SERPINI2: variants seen among roughly 807,000 people sequenced by gnomAD.
SERPINI2 encodes the protein serpin family I member 2.
Under a neutral mutation model 47.3 loss-of-function variants are expected in SERPINI2, and 48 were observed. The ratio of observed to expected loss-of-function variants is 1.02; its 90% confidence interval spans 0.81 to 1.29. The LOEUF is 1.29. Among genes scored for constraint, SERPINI2 ranks in the 50% most tolerant of loss-of-function variants. The pLI is 0.00. For synonymous variants in SERPINI2, 135 were observed against 149.3 expected (o/e 0.90, Z 0.70); for missense variants, 448 against 456.9 (o/e 0.98, Z 0.18).
At chr3:167,470,077 T>C (rs959073806) in intron 2 of SERPINI2, among the ~76,000 whole-genome samples, 1 of 152,180 alleles carries the variant, frequency 6.6e-6, no homozygotes, top group African/African-American at 2.4e-5. Context: ...CATGTATCCA[T>C]TTAAAGTAAT....
chr3:167,448,683 C>T (rs879511972), intron 7 of SERPINI2, among the ~76,000 whole-genome samples: 7 of 152,096 alleles, frequency 4.6e-5, no homozygotes, highest in African/African-American at 9.7e-5. Context: ...CCACCACGCC[C>T]GGCTAATTTT....
chr3:167,465,712 C>T, intron 3 of SERPINI2, 39 bp from the exon 4 acceptor site: 1 of 1,535,988 alleles, frequency 6.5e-7, no homozygotes, highest in Non-Finnish European at 8.8e-7. Flanking sequence ...AAGAAATGTG[C>T]AATAGTGATT....
At chr3:167,449,451 A>G (rs1241950451) in intron 6 of SERPINI2, 49 bp from the exon 7 acceptor site, 2 of 1,081,956 alleles carry the variant, frequency 1.8e-6, no homozygotes, top group East Asian at 2.4e-5. Flanking sequence ...TAAAATCAAA[A>G]GCCGTTACCT....
At chr3:167,471,810 G>A in exon 2 of SERPINI2, 1 of 1,611,094 alleles carries the variant, frequency 6.2e-7, no homozygotes, top group Non-Finnish European at 8.5e-7. Flanking sequence ...AGCAATAGAA[G>A]ACTCCACAAG....
chr3:167,462,515 C>A (rs901821833), intron 5 of SERPINI2, among the ~76,000 whole-genome samples: 5 of 152,148 alleles, frequency 3.3e-5, no homozygotes, highest in Admixed American at 1.3e-4. Flanking sequence ...TTTTAGATGA[C>A]AACAGTCATG....
intron 5 of SERPINI2, among the ~76,000 whole-genome samples, chr3:167,454,201 G>A (rs1331849215): frequency 6.7e-6 from 1 of 150,344 alleles, no homozygotes; most frequent in Non-Finnish European, 1.5e-5. Context: ...TTAGATCATT[G>A]TTTTAATTGG....
chr3:167,442,778 C>A (rs1749363987), intron 8 of SERPINI2, among the ~76,000 whole-genome samples: 1 of 152,108 alleles, frequency 6.6e-6, no homozygotes, highest in East Asian at 1.9e-4. Context: ...TGAAAAGGAA[C>A]TAAGAACTAA....
At chr3:167,450,911 A>G (rs1749623334) in intron 6 of SERPINI2, among the ~76,000 whole-genome samples, 1 of 152,184 alleles carries the variant, frequency 6.6e-6, no homozygotes, top group Non-Finnish European at 1.5e-5. Context: ...AGTCTTAGGA[A>G]AAGAACAGGC....
intron 6 of SERPINI2, among the ~76,000 whole-genome samples, chr3:167,450,944 G>A: frequency 6.6e-6 from 1 of 152,058 alleles, no homozygotes; most frequent in East Asian, 1.9e-4. Flanking sequence ...TAGGTTAGAA[G>A]TAAGAATGTG....
intron 5 of SERPINI2, among the ~76,000 whole-genome samples, chr3:167,459,225 C>G (rs1212719672): frequency 1.3e-5 from 2 of 151,896 alleles, no homozygotes; most frequent in Non-Finnish European, 2.9e-5. Context: ...CAGGCGCCCG[C>G]CACTATGCCC....
At chr3:167,459,955 T>C (rs1367026570) in intron 5 of SERPINI2, among the ~76,000 whole-genome samples, 1 of 152,044 alleles carries the variant, frequency 6.6e-6, no homozygotes, top group Non-Finnish European at 1.5e-5. Flanking sequence ...ATTGGAGTGA[T>C]TTATCTATAA....
exon 3 of SERPINI2, chr3:167,467,203 G>A: frequency 6.2e-7 from 1 of 1,613,286 alleles, no homozygotes; most frequent in South Asian, 1.1e-5. Context: ...GAAGGTAGAG[G>A]GCATTGGCAA....
At chr3:167,457,969 A>C (rs577299419) in intron 5 of SERPINI2, among the ~76,000 whole-genome samples, 111 of 152,222 alleles carry the variant, frequency 7.3e-4, no homozygotes, top group Non-Finnish European at 1.4e-3. Context: ...CAGACAAGTT[A>C]TCCAGGGTGA....
intron 5 of SERPINI2, among the ~76,000 whole-genome samples, chr3:167,462,520 G>A (rs575785550): frequency 6.6e-6 from 1 of 152,274 alleles, no homozygotes; most frequent in East Asian, 1.9e-4. Flanking sequence ...GATGACAACA[G>A]TCATGTTGGA....
At chr3:167,451,717 A>G (rs1331892766) in intron 6 of SERPINI2, among the ~76,000 whole-genome samples, 2 of 152,176 alleles carry the variant, frequency 1.3e-5, no homozygotes, top group Non-Finnish European at 2.9e-5. Flanking sequence ...GAAGTCACAA[A>G]TTGCTGGGAA....
chr3:167,467,113 A>G (rs780832449), exon 3 of SERPINI2: 1 of 1,613,522 alleles, frequency 6.2e-7, no homozygotes, highest in South Asian at 1.1e-5. Flanking sequence ...TTGCATCTTG[A>G]AAATCCACCA....
intron 5 of SERPINI2, among the ~76,000 whole-genome samples, chr3:167,455,822 AG>A (rs1415421005): frequency 1.3e-5 from 2 of 152,062 alleles, no homozygotes; most frequent in Non-Finnish European, 2.9e-5. Context: ...GAAGAGAAAC[AG>A]GGGGCAGGGG....
At chr3:167,470,890 G>A (rs894350605) in intron 2 of SERPINI2, among the ~76,000 whole-genome samples, 3 of 152,010 alleles carry the variant, frequency 2.0e-5, no homozygotes, top group Admixed American at 6.6e-5. Context: ...CCCAGTAAGA[G>A]GGATAGACAC....
chr3:167,459,881 G>A (rs540096413), intron 5 of SERPINI2, among the ~76,000 whole-genome samples: 22 of 152,166 alleles, frequency 1.4e-4, no homozygotes, highest in African/African-American at 5.1e-4. Context: ...AATATGATCG[G>A]TGTCCTTATA....
Sources: gnomAD v4.1 joint callset for allele counts (sites outside exome capture counted in the v4.1 genomes callset) on GRCh38, gnomAD v4.1.1 for gene constraint, MANE v1.5 for transcripts, NCBI Gene and HGNC (gene_info 2026-07-23, HGNC 2026-07-21) for gene names.